The following ADGRL3 variants were observed in gnomAD, a reference collection of about 807,000 sequenced individuals.
ADGRL3 encodes the protein calcium-independent alpha-latrotoxin receptor 3.
A neutral mutation model predicts 153.5 loss-of-function variants in ADGRL3; 62 were observed. The ratio of observed to expected loss-of-function variants is 0.40; its 90% CI spans 0.33 to 0.50. The LOEUF is 0.50. Among genes scored for constraint, ADGRL3 ranks in the 20% least tolerant of loss-of-function variants. ADGRL3 has a pLI of 0.47. For missense variants in ADGRL3, 1,641 were observed against 1,859.4 expected (o/e 0.88, Z 2.16); for synonymous variants, 710 against 672.5 (o/e 1.06, Z -0.86).
chr4:61,679,137 C>T (rs2095279006), intron 6 of ADGRL3, among the ~76,000 whole-genome samples: 1 of 152,016 alleles, frequency 6.6e-6, no homozygotes, highest in Non-Finnish European at 1.5e-5. Flanking sequence ...CTGGTGAGGC[C>T]TCAGGGAGAT....
chr4:61,923,845 A>G (rs558246108), intron 13 of ADGRL3, among the ~76,000 whole-genome samples: 28 of 152,276 alleles, frequency 1.8e-4, no homozygotes, highest in African/African-American at 6.5e-4. Flanking sequence ...TTGCGAAGGA[A>G]CAGTGCCACT....
intron 9 of ADGRL3, among the ~76,000 whole-genome samples, chr4:61,826,132 T>A (rs571394806): frequency 2.0e-5 from 3 of 152,216 alleles, no homozygotes; most frequent in Admixed American, 2.0e-4. Flanking sequence ...AATAAAAAAA[T>A]TATTGATTAA....
At chr4:61,392,144 C>A (rs1236729376) in intron 2 of ADGRL3, among the ~76,000 whole-genome samples, 4 of 150,832 alleles carry the variant, frequency 2.7e-5, no homozygotes, top group African/African-American at 9.7e-5. Context: ...GCTGGGATTA[C>A]AGGCGTGAGC....
At chr4:61,521,593 G>A (rs1375602221) in intron 4 of ADGRL3, among the ~76,000 whole-genome samples, 2 of 152,098 alleles carry the variant, frequency 1.3e-5, no homozygotes, top group Non-Finnish European at 2.9e-5. Context: ...CTGTTCTATT[G>A]GTGGGTCTGA....
At chr4:62,002,516 T>C (rs2099143988) in intron 21 of ADGRL3, among the ~76,000 whole-genome samples, 1 of 151,806 alleles carries the variant, frequency 6.6e-6, no homozygotes, top group Non-Finnish European at 1.5e-5. Context: ...ATAGAGAACA[T>C]TTAATTGGTT....
chr4:61,465,998 T>G (rs2097878665), intron 2 of ADGRL3, among the ~76,000 whole-genome samples: 1 of 151,632 alleles, frequency 6.6e-6, no homozygotes, highest in South Asian at 2.1e-4. Flanking sequence ...AGCATGTACT[T>G]GTAATCCCAG....
chr4:61,682,816 C>T (rs867441735), intron 6 of ADGRL3, among the ~76,000 whole-genome samples: 1 of 152,076 alleles, frequency 6.6e-6, no homozygotes, highest in Non-Finnish European at 1.5e-5. Flanking sequence ...GCTTGTGAGA[C>T]CTCCTTCTTT....
At chr4:61,990,107 C>T (rs2099098622) in intron 19 of ADGRL3, among the ~76,000 whole-genome samples, 1 of 151,970 alleles carries the variant, frequency 6.6e-6, no homozygotes, top group South Asian at 2.1e-4. Context: ...TTTATAGCAG[C>T]ATTATTTATG....
intron 1 of ADGRL3, among the ~76,000 whole-genome samples, chr4:61,243,291 G>A (rs931789268): frequency 2.6e-5 from 4 of 151,974 alleles, no homozygotes; most frequent in Non-Finnish European, 5.9e-5. Context: ...CAGCCAAATG[G>A]TTTTGCAAGT....
At chr4:61,973,818 C>T (rs1392535162) in intron 17 of ADGRL3, among the ~76,000 whole-genome samples, 1 of 152,020 alleles carries the variant, frequency 6.6e-6, no homozygotes, top group Non-Finnish European at 1.5e-5. Flanking sequence ...TTTGTTCTAA[C>T]TTAAGGAAAA....
intron 8 of ADGRL3, among the ~76,000 whole-genome samples, chr4:61,772,336 T>A (rs1365146887): frequency 1.3e-5 from 2 of 151,984 alleles, no homozygotes; most frequent in African/African-American, 4.8e-5. Context: ...AGCCCCAGAG[T>A]TGTTGAGTGA....
intron 5 of ADGRL3, among the ~76,000 whole-genome samples, chr4:61,589,295 A>G (rs2098959562): frequency 1.3e-5 from 2 of 152,134 alleles, no homozygotes; most frequent in South Asian, 4.1e-4. Context: ...AATGTACTAG[A>G]TTTAGACTTG....
At position 61,766,011 on chromosome 4, in the gene ADGRL3, G is replaced by T. The variant is rs541770145; in HGVS notation, c.1399+32457G>T. Among the ~76,000 whole-genome samples the T allele has an allele frequency of 1.5e-4, 23 of 152,290 alleles. No individual in the cohort carries two copies. In the South Asian group the frequency reaches 3.5e-3, roughly 23 times the overall value. On this transcript the variant is annotated intron_variant, in intron 8 of 26. Coordinates refer to ENST00000683033, the MANE Select transcript of ADGRL3 (RefSeq NM_001387552.1). Reference sequence around the variant, plus strand: ...ACTATAGCATCATCTGCCTTTGCTGGTGTGTGGCGATTAGGCCTGGTGGAA... The same window carrying T: ...ACTATAGCATCATCTGCCTTTGCTGTTGTGTGGCGATTAGGCCTGGTGGAA...
At chr4:61,563,491 CT>C (rs2098803835) in intron 4 of ADGRL3, among the ~76,000 whole-genome samples, 1 of 152,176 alleles carries the variant, frequency 6.6e-6, no homozygotes, top group Non-Finnish European at 1.5e-5. Flanking sequence ...TCAGCCCGTC[CT>C]TTGAAGTTTG....
chr4:62,024,929 C>CAA (rs34456988), intron 21 of ADGRL3, among the ~76,000 whole-genome samples: 2,176 of 117,760 alleles, frequency 0.018, 69 homozygotes, highest in African/African-American at 0.056. Context: ...GACTCCGTCT[C>CAA]AAAAAAAAAA....
At chr4:61,805,236 C>G (rs1006079871) in intron 8 of ADGRL3, among the ~76,000 whole-genome samples, 1 of 152,152 alleles carries the variant, frequency 6.6e-6, no homozygotes, top group Non-Finnish European at 1.5e-5. Context: ...GCCACCGCGC[C>G]TGGCCTGTTT....
chr4:61,400,440 A>G (rs781723977), intron 2 of ADGRL3, among the ~76,000 whole-genome samples: 1 of 151,846 alleles, frequency 6.6e-6, no homozygotes, highest in Non-Finnish European at 1.5e-5. Flanking sequence ...TCTAGAGGTG[A>G]TGAAAAGTGA....
intron 23 of ADGRL3, 134 bp from the exon 24 acceptor site, chr4:62,037,597 G>A (rs1157022444): frequency 5.1e-6 from 5 of 982,352 alleles, no homozygotes; most frequent in Admixed American, 2.3e-5. Context: ...AATATATGCT[G>A]AACAGACTTT....
chr4:61,640,406 T>C (rs908661936), intron 5 of ADGRL3, among the ~76,000 whole-genome samples: 2 of 152,152 alleles, frequency 1.3e-5, no homozygotes, highest in Admixed American at 6.5e-5. Context: ...CCTGTTTACA[T>C]ATTTAGCTTC....
Sources: allele counts gnomAD v4.1 joint callset (sites outside exome capture counted in the v4.1 genomes callset), GRCh38; gene constraint gnomAD v4.1.1; transcripts MANE v1.5; gene names NCBI Gene and HGNC (gene_info 2026-07-23, HGNC 2026-07-21).